Variants in OR1J2 observed in about 807,000 individuals in gnomAD.
OR1J2 encodes olfactory receptor family 1 subfamily J member 2.
For missense variants in OR1J2, 304 were observed against 246.1 expected (o/e 1.24, Z -1.57); for synonymous variants, 142 against 99.7 (o/e 1.42, Z -2.52).
the OR1J2 span, among the ~76,000 whole-genome samples, chr9:122,497,852 T>A: frequency 6.6e-6 from 1 of 152,194 alleles, no homozygotes; most frequent in African/African-American, 2.4e-5. Context: ...TGTTTGTGGC[T>A]TTCCAGAGAT....
the OR1J2 span, among the ~76,000 whole-genome samples, chr9:122,483,102 A>C: frequency 6.6e-6 from 1 of 152,224 alleles, no homozygotes; most frequent in East Asian, 1.9e-4. Flanking sequence ...ATCACACTGT[A>C]CCCCATAAGT....
chr9:122,546,080 A>G, the OR1J2 span, among the ~76,000 whole-genome samples: 1 of 152,084 alleles, frequency 6.6e-6, no homozygotes, highest in East Asian at 1.9e-4. Context: ...TCAGATTGAG[A>G]GGAACCGTAC....
At chr9:122,526,307 TTGTC>T in the OR1J2 span, 3 of 1,175,594 alleles carry the variant, frequency 2.6e-6, no homozygotes, top group Non-Finnish European at 3.5e-6. Context: ...TGAAGCCCGT[TTGTC>T]TGACTCCAAG....
the OR1J2 span, among the ~76,000 whole-genome samples, chr9:122,461,104 TTC>T: frequency 6.6e-6 from 1 of 152,302 alleles, no homozygotes; most frequent in South Asian, 2.1e-4. Context: ...TGCCCTTTAT[TTC>T]TTTCTCTTGT....
the OR1J2 span, among the ~76,000 whole-genome samples, chr9:122,522,167 T>C: frequency 6.6e-6 from 1 of 152,340 alleles, no homozygotes; most frequent in African/African-American, 2.4e-5. Context: ...AAGCACCTCA[T>C]TGAGTTTAGA....
chr9:122,551,169 A>G, the OR1J2 span, among the ~76,000 whole-genome samples: 1 of 152,210 alleles, frequency 6.6e-6, no homozygotes, highest in Non-Finnish European at 1.5e-5. Context: ...TAGCTACAAA[A>G]AGTTGGATTA....
At chr9:122,467,578 A>C in the OR1J2 span, among the ~76,000 whole-genome samples, 1 of 152,202 alleles carries the variant, frequency 6.6e-6, no homozygotes, top group Non-Finnish European at 1.5e-5. Flanking sequence ...TATTTTCAAA[A>C]TTCATAGTGT....
the OR1J2 span, chr9:122,567,410 G>A: frequency 4.9e-6 from 3 of 606,340 alleles, no homozygotes; most frequent in Admixed American, 3.2e-5. Context: ...ATCAATGGAT[G>A]TAAGTGCCCA....
At chr9:122,500,307 G>A in the OR1J2 span, among the ~76,000 whole-genome samples, 17 of 152,172 alleles carry the variant, frequency 1.1e-4, no homozygotes, top group East Asian at 2.5e-3. Context: ...CAGATCTCCA[G>A]TGGATAGGGG....
chr9:122,464,823 G>C, the OR1J2 span, among the ~76,000 whole-genome samples: 1 of 152,130 alleles, frequency 6.6e-6, no homozygotes, highest in Non-Finnish European at 1.5e-5. Flanking sequence ...ATCTGATTGG[G>C]TTAAGATGCC....
the OR1J2 span, among the ~76,000 whole-genome samples, chr9:122,503,218 G>A: frequency 6.6e-6 from 1 of 152,214 alleles, no homozygotes; most frequent in Non-Finnish European, 1.5e-5. Context: ...AGGCATGGCG[G>A]AGGGAAAGGA....
the OR1J2 span, among the ~76,000 whole-genome samples, chr9:122,520,299 A>G: frequency 2.0e-5 from 3 of 152,266 alleles, no homozygotes; most frequent in East Asian, 1.9e-4. Flanking sequence ...CAGAAATTAC[A>G]TAGTTAACAG....
At chr9:122,483,357 A>G in the OR1J2 span, among the ~76,000 whole-genome samples, 1 of 152,214 alleles carries the variant, frequency 6.6e-6, no homozygotes, top group Non-Finnish European at 1.5e-5. Context: ...TAATTGTTCA[A>G]TAGCCAATAA....
At chr9:122,517,249 C>G in the OR1J2 span, among the ~76,000 whole-genome samples, 1 of 152,160 alleles carries the variant, frequency 6.6e-6, no homozygotes, top group Non-Finnish European at 1.5e-5. Flanking sequence ...ACATACTACC[C>G]TCAGACACTA....
At chr9:122,564,860 G>T in the OR1J2 span, among the ~76,000 whole-genome samples, 1 of 152,184 alleles carries the variant, frequency 6.6e-6, no homozygotes, top group Non-Finnish European at 1.5e-5. Flanking sequence ...CAATTCTGCA[G>T]CCCCATGTCA....
upstream of OR1J2, among the ~76,000 whole-genome samples, chr9:122,506,062 T>A (rs549954489): frequency 6.6e-6 from 1 of 152,278 alleles, no homozygotes; most frequent in African/African-American, 2.4e-5. Context: ...ACCTGATGAG[T>A]AGGACTCAGT....
the OR1J2 span, chr9:122,553,721 T>C: frequency 4.3e-6 from 7 of 1,613,582 alleles, no homozygotes; most frequent in Non-Finnish European, 5.9e-6. Flanking sequence ...CCCGCGTGGC[T>C]TTCTGTGCCC....
chr9:122,480,880 T>A, the OR1J2 span, among the ~76,000 whole-genome samples: 1 of 152,012 alleles, frequency 6.6e-6, no homozygotes, highest in African/African-American at 2.4e-5. Flanking sequence ...CTGCAACCTC[T>A]GCCTCCCGGG....
chr9:122,557,339 T>C, the OR1J2 span, among the ~76,000 whole-genome samples: 1 of 152,142 alleles, frequency 6.6e-6, no homozygotes, highest in Non-Finnish European at 1.5e-5. Flanking sequence ...CATCATTAAG[T>C]ATGATATTAA....
Sources: gnomAD v4.1 joint callset for allele counts (sites outside exome capture counted in the v4.1 genomes callset) on GRCh38, gnomAD v4.1.1 for gene constraint, MANE v1.5 for transcripts, NCBI Gene and HGNC (gene_info 2026-07-23, HGNC 2026-07-21) for gene names.